The following E2F8 variants were observed in gnomAD, a reference collection of about 807,000 sequenced individuals.
E2F8 encodes E2F transcription factor 8.
A neutral mutation model predicts 80.8 loss-of-function variants in E2F8; 35 were observed. The observed-to-expected ratio is 0.43, with a 90% confidence interval of 0.33 to 0.57. The LOEUF (loss-of-function observed/expected upper bound fraction) is 0.57, where lower values mean the gene tolerates loss of function less well. E2F8 is among the 20% of genes least tolerant of loss of function. The pLI is 0.04. For missense variants in E2F8, 975 were observed against 1,056.2 expected (o/e 0.92, Z 1.07); for synonymous variants, 386 against 395.0 (o/e 0.98, Z 0.27).
chr11:19,232,625 C>T lies in E2F8; in HGVS notation c.929-254G>A, dbSNP rs575975318. Among the ~76,000 whole-genome samples the T allele has an allele frequency of 1.2e-4, 18 of 152,260 alleles. No homozygotes were observed. The South Asian group carries it at 3.1e-3, about 26-fold the overall frequency. On this transcript the variant is annotated intron_variant, in intron 6 of 12. Transcript: ENST00000250024. ...ATAGCATACGTTGACAAAGGAAAAA[C>T]GACTTGATGAGATCACCCTATCTGA... is the stretch of plus-strand genomic sequence containing the variant.
At position 19,225,458 on chromosome 11, in the gene E2F8, G is replaced by A. The variant is rs775599108; in HGVS notation, c.2184C>T (p.Asn728=). The change falls in exon 12 of 13, where the codon AAC becomes AAT. Residue 728 remains asparagine (N), a synonymous_variant. Coordinates refer to ENST00000250024, the MANE Select transcript of E2F8 (RefSeq NM_024680.4). ...LASSHPVPIQ[N]PSSAIVNFTL... is the part of the protein sequence containing the mutation. ...TGAAGTTTACAATGGCTGAGCTTGG[G>A]TTCTGGATGGGAACAGGGTGGCTTG... 1.9e-6 allele frequency: 3 copies of A among 1,614,244 alleles called. No homozygotes were observed. Among genetic ancestry groups the A allele is most frequent in the Non-Finnish European group, 2.5e-6 (3 of 1,180,034 alleles).
intron 10 of E2F8, 85 bp from the exon 11 acceptor site, chr11:19,225,949 T>C (rs1223590980): frequency 6.7e-6 from 10 of 1,501,214 alleles, no homozygotes; most frequent in East Asian, 4.5e-5. Context: ...CTAATATCCC[T>C]TGGTGGTTGC....
At position 19,237,904 on chromosome 11, in the gene E2F8, C is replaced by G. The variant is rs1333915344; in HGVS notation, c.244G>C (p.Gly82Arg). The change falls in exon 3 of 13, where the codon GGT (glycine) becomes CGT (arginine). Residue 82 changes from glycine (G) to arginine (R), a missense_variant. Physicochemically the swap from Gly to Arg is moderately radical, Grantham distance 125 (BLOSUM62 -2). Coordinates refer to ENST00000250024, the MANE Select transcript of E2F8 (RefSeq NM_024680.4). Reference sequence around the variant, plus strand: ...AATCCACTTCTGTTGTCAAACAAACCCCTTTTCTGATCTCTGTTGCGGATC... The same window carrying G: ...AATCCACTTCTGTTGTCAAACAAACGCCTTTTCTGATCTCTGTTGCGGATC... ...PEIRNRDQKR[G>R]LFDNRSGLPE... 1.9e-6 allele frequency: 3 copies of G among 1,614,042 alleles called. No homozygotes were observed. Among genetic ancestry groups the G allele is most frequent in the Non-Finnish European group, 2.5e-6 (3 of 1,180,010 alleles).
rs148702233 is a variant in E2F8, at chr11:19,232,262, G to A, written c.1038C>T (p.Thr346=). 9.0e-5 allele frequency: 145 copies of A among 1,613,946 alleles called. No homozygotes were observed. The East Asian group carries it at 1.2e-3, about 14-fold the overall frequency. The stretch of plus-strand genomic sequence containing the variant: ...TGGTATTTGGACTGATTTCTGGGCC[G>A]GTCCATTTGAAAGCTGGTTTTCGGC... ...ERGRKPAFKW[T]GPEISPNTSG... is the part of the protein sequence containing the mutation. The change falls in exon 7 of 13, where the codon ACC becomes ACT. Residue 346 remains threonine (T), a synonymous_variant. Transcript: ENST00000250024.
At chr11:19,240,377 C>A in intron 1 of E2F8, 147 bp from the exon 2 acceptor site, 1 of 293,684 alleles carries the variant, frequency 3.4e-6, no homozygotes, top group Middle Eastern at 9.2e-4. Flanking sequence ...GACCAGAGAT[C>A]GCCCCACTGA....
chr11:19,236,360 G>A (rs1851517464), intron 4 of E2F8, among the ~76,000 whole-genome samples: 1 of 152,126 alleles, frequency 6.6e-6, no homozygotes, highest in South Asian at 2.1e-4. Context: ...TTTCCACTAT[G>A]CATGTTACCT....
chr11:19,229,971 A>T lies in E2F8; in HGVS notation c.1376T>A (p.Val459Glu). The stretch of plus-strand genomic sequence containing the variant: ...TCCAGATCTTGCCAGCTGTACTTTC[A>T]CTTTCTGTCTGGATTCACTGAAAGA... ...EEQSSESRQK[V>E]KVQLARSGPC... The change falls in exon 10 of 13, where the codon GTG (valine) becomes GAG (glutamate). Residue 459 changes from valine to glutamate, a missense_variant. By Grantham distance (121) the Val-to-Glu change is moderately radical. Transcript: ENST00000250024. The surrounding 1 kb of genome is among the most constrained non-coding windows in gnomAD (Gnocchi z 4.3). 1 of 1,613,594 alleles carries T rather than the reference A, an allele frequency of 6.2e-7. No individual in the cohort carries two copies. Among genetic ancestry groups the T allele is most frequent in the Non-Finnish European group, 8.5e-7 (1 of 1,179,892 alleles).
In E2F8 at chr11:19,229,099, G is replaced by A. The variant is rs547892895; in HGVS notation, c.1893+355C>T. 6.6e-6 allele frequency among the ~76,000 whole-genome samples: 1 copy of A among 152,324 alleles called. No homozygotes were observed. Among genetic ancestry groups the A allele is most frequent in the African/African-American group, 2.4e-5 (1 of 41,578 alleles). ...AATGACTCAGAAAGCAGGAGTTACA[G>A]GAACCCTATGCATCCACACGTTCAT... On this transcript the variant is annotated intron_variant, in intron 10 of 12. Coordinates refer to ENST00000250024, the MANE Select transcript of E2F8 (RefSeq NM_024680.4). This position sits in a 1 kb window ranked among gnomAD's most constrained non-coding sequence, Gnocchi z 4.3.
At position 19,229,723 on chromosome 11, in the gene E2F8, G is replaced by C. The variant is rs1851323799; in HGVS notation, c.1624C>G (p.Pro542Ala). 2.5e-6 allele frequency: 4 copies of C among 1,614,062 alleles called. No homozygotes were observed. Among genetic ancestry groups the C allele is most frequent in the Non-Finnish European group, 1.7e-6 (2 of 1,180,040 alleles). Reference sequence around the variant, plus strand: ...GAAGAGTGGGTGGTGCACACCGTTGGGCTCAGGCCTTGGGGTGGCGTCACA... The same window carrying C: ...GAAGAGTGGGTGGTGCACACCGTTGCGCTCAGGCCTTGGGGTGGCGTCACA... ...QSVTPPQGLS[P>A]TVCTTHSSKA... The change falls in exon 10 of 13, where the codon CCA becomes GCA. Residue 542 changes from proline (P) to alanine (A), a missense_variant. Transcript: ENST00000250024. The surrounding 1 kb of genome is among the most constrained non-coding windows in gnomAD (Gnocchi z 4.3).
intron 6 of E2F8, among the ~76,000 whole-genome samples, chr11:19,233,678 C>T (rs926665771): frequency 1.3e-5 from 2 of 151,810 alleles, no homozygotes; most frequent in East Asian, 2.0e-4. Flanking sequence ...TTAGTAGAGA[C>T]GGGGTTTCAC....
intron 10 of E2F8, among the ~76,000 whole-genome samples, chr11:19,228,182 T>C (rs1016222457): frequency 1.3e-5 from 2 of 152,164 alleles, no homozygotes; most frequent in African/African-American, 4.8e-5. Flanking sequence ...TGAATAACTA[T>C]GTAAGCAACA....
intron 8 of E2F8, 112 bp from the exon 9 acceptor site, chr11:19,230,440 T>C: frequency 8.1e-7 from 1 of 1,232,860 alleles, no homozygotes; most frequent in Non-Finnish European, 1.1e-6. Flanking sequence ...CCCCTCAAAG[T>C]TGCATAGCGA....
chr11:19,238,063 TTGC>T lies in E2F8; in HGVS notation c.82_84del (p.Ala28del). 3.7e-6 allele frequency: 6 copies of T among 1,614,194 alleles called. No individual in the cohort carries two copies. The highest frequency in any genetic ancestry group is 4.2e-6 in the Non-Finnish European group (5 of 1,180,030). The stretch of plus-strand genomic sequence containing the variant: ...GGCTGGATCTCTGCCAACACGATAT[TTGC>T]TGTGGTGGATTCTTTCAGAGGTGTT... On this transcript the variant is annotated inframe_deletion, in exon 3 of 13. Transcript: ENST00000250024.
At chr11:19,234,560 A>C (rs750132400) in intron 5 of E2F8, 39 bp from the exon 6 acceptor site, 1 of 1,603,896 alleles carries the variant, frequency 6.2e-7, no homozygotes, top group Non-Finnish European at 8.5e-7. Context: ...TAAAATTCAT[A>C]AAGGGACAAG....
In E2F8 at chr11:19,232,383, A is replaced by AGT. The variant is rs759412224; in HGVS notation, c.929-14_929-13dup. The AGT allele has an allele frequency of 6.2e-7, 1 of 1,607,324 alleles. No homozygotes were observed. Among genetic ancestry groups the AGT allele is most frequent in the Non-Finnish European group, 8.5e-7 (1 of 1,176,198 alleles). The stretch of plus-strand genomic sequence containing the variant: ...CCTCCTAATTTTTGCTGGGAAAAAA[A>AGT]GTATATATACCACTTAATGGAATAA... On this transcript the variant is annotated splice_polypyrimidine_tract_variant and intron_variant, in intron 6 of 12. Coordinates refer to ENST00000250024, the MANE Select transcript of E2F8 (RefSeq NM_024680.4).
intron 6 of E2F8, among the ~76,000 whole-genome samples, chr11:19,234,145 T>TAAAAAA (rs967973962): frequency 1.5e-4 from 14 of 92,536 alleles, no homozygotes; most frequent in South Asian, 3.9e-4. Flanking sequence ...AGACTCCGTC[T>TAAAAAA]AAAAAAAAAA....
rs1257681904 is a variant in E2F8, at chr11:19,237,302, T to C, written c.451+12A>G. On this transcript the variant is annotated intron_variant, in intron 4 of 12. Transcript: ENST00000250024. ...ATTATTAATTCTTTCAGTGAGTTCT[T>C]TGCATACTTACTAAGTTCCTCTGCC... 5.6e-6 allele frequency: 9 copies of C among 1,613,778 alleles called. No individual in the cohort carries two copies. In the East Asian group the frequency reaches 1.6e-4, roughly 28 times the overall value.
chr11:19,232,154 A>G, intron 7 of E2F8, 80 bp downstream of exon 7: 1 of 1,568,290 alleles, frequency 6.4e-7, no homozygotes, highest in South Asian at 1.2e-5. Context: ...AGGGAGGGGA[A>G]CAACACACAC....
chr11:19,225,630 G>A lies in E2F8; in HGVS notation c.2027-15C>T. 1 of 1,611,352 alleles carries A rather than the reference G, an allele frequency of 6.2e-7. No homozygotes were observed. Among genetic ancestry groups the A allele is most frequent in the South Asian group, 1.1e-5 (1 of 90,936 alleles). ...TGGAATAACACCTGGAAGGAAAAGG[G>A]GGAAGATATCTTAAAAGCACAGGCA... On this transcript the variant is annotated splice_polypyrimidine_tract_variant and intron_variant, in intron 11 of 12. Coordinates refer to ENST00000250024, the MANE Select transcript of E2F8 (RefSeq NM_024680.4).
Sources: allele counts gnomAD v4.1 joint callset (sites outside exome capture counted in the v4.1 genomes callset), GRCh38; gene constraint gnomAD v4.1.1; non-coding constraint Gnocchi (gnomAD v3.1); transcripts MANE v1.5; gene names NCBI Gene and HGNC (gene_info 2026-07-23, HGNC 2026-07-21).